AGBL4: variants seen among roughly 807,000 people sequenced by gnomAD.
AGBL4 encodes the protein cytosolic carboxypeptidase 6.
Under a neutral mutation model 66.4 loss-of-function variants are expected in AGBL4, and 58 were observed. The observed-to-expected ratio is 0.87, with a 90% CI of 0.71 to 1.09. The LOEUF (loss-of-function observed/expected upper bound fraction) is 1.09. Ranked by LOEUF, AGBL4 falls within the 50% of genes least tolerant of loss-of-function variation. The probability of loss-of-function intolerance (pLI) is 0.00; values close to 1 mark genes in which losing one functional copy is unlikely to be tolerated. For missense variants in AGBL4, 579 were observed against 631.0 expected (o/e 0.92, Z 0.88); for synonymous variants, 234 against 222.9 (o/e 1.05, Z -0.44).
At chr1:49,765,959 A>G (rs1308163647) in intron 2 of AGBL4, among the ~76,000 whole-genome samples, 1 of 152,300 alleles carries the variant, frequency 6.6e-6, no homozygotes, top group East Asian at 1.9e-4. Flanking sequence ...AAATCTATGA[A>G]TTATTGGCAT....
At chr1:49,577,204 G>A (rs887836905) in intron 3 of AGBL4, among the ~76,000 whole-genome samples, 7 of 152,224 alleles carry the variant, frequency 4.6e-5, no homozygotes, top group Admixed American at 3.3e-4. Context: ...GGTGACCTCA[G>A]CAGAGGAGGA....
chr1:49,504,009 C>T (rs1648445815), intron 3 of AGBL4, among the ~76,000 whole-genome samples: 1 of 151,946 alleles, frequency 6.6e-6, no homozygotes, highest in South Asian at 2.1e-4. Flanking sequence ...TGTCTGTGTC[C>T]CCACTCAAAG....
intron 3 of AGBL4, among the ~76,000 whole-genome samples, chr1:49,627,234 G>T (rs1391050281): frequency 6.6e-6 from 1 of 152,134 alleles, no homozygotes; most frequent in African/African-American, 2.4e-5. Context: ...TCATCAGCAG[G>T]TGTGGTATTG....
chr1:49,022,906 T>G (rs1571252403), intron 5 of AGBL4, among the ~76,000 whole-genome samples: 1 of 152,196 alleles, frequency 6.6e-6, no homozygotes, highest in East Asian at 1.9e-4. Context: ...AATTCCAAAT[T>G]ACAAATGAGG....
intron 3 of AGBL4, among the ~76,000 whole-genome samples, chr1:49,398,989 C>G (rs1379044042): frequency 6.6e-6 from 1 of 152,056 alleles, no homozygotes; most frequent in Non-Finnish European, 1.5e-5. Flanking sequence ...TTCCCTGCCA[C>G]CACCCTACTA....
At chr1:49,554,241 T>C (rs139310815) in intron 3 of AGBL4, among the ~76,000 whole-genome samples, 1 of 152,222 alleles carries the variant, frequency 6.6e-6, no homozygotes, top group Non-Finnish European at 1.5e-5. Flanking sequence ...ATCACAATAC[T>C]CCAACAGTGC....
chr1:49,749,664 C>CA (rs1343271756), intron 2 of AGBL4, among the ~76,000 whole-genome samples: 1 of 151,836 alleles, frequency 6.6e-6, no homozygotes, highest in African/African-American at 2.4e-5. Flanking sequence ...ACGGTTATAT[C>CA]AAAAAAACAC....
chr1:49,285,465 A>G (rs1378905212), intron 3 of AGBL4, among the ~76,000 whole-genome samples: 2 of 152,114 alleles, frequency 1.3e-5, no homozygotes, highest in African/African-American at 4.8e-5. Flanking sequence ...AAAGAACTAG[A>G]AAAGCAAGAG....
intron 3 of AGBL4, among the ~76,000 whole-genome samples, chr1:49,529,047 T>C (rs1374871267): frequency 6.6e-6 from 1 of 152,074 alleles, no homozygotes; most frequent in African/African-American, 2.4e-5. Flanking sequence ...CAGATTATTA[T>C]TTTAGAAACA....
chr1:49,755,411 C>A (rs1228344706), intron 2 of AGBL4, among the ~76,000 whole-genome samples: 1 of 152,180 alleles, frequency 6.6e-6, no homozygotes, highest in Non-Finnish European at 1.5e-5. Flanking sequence ...AGTTCTAGTT[C>A]TTTGACTTTA....
intron 3 of AGBL4, among the ~76,000 whole-genome samples, chr1:49,387,120 G>C (rs1272791034): frequency 6.6e-6 from 1 of 151,846 alleles, no homozygotes; most frequent in Non-Finnish European, 1.5e-5. Flanking sequence ...TATATTAGCT[G>C]TGTGACCTTA....
intron 4 of AGBL4, among the ~76,000 whole-genome samples, chr1:49,129,286 GT>G (rs769440870): frequency 8.8e-6 from 1 of 113,360 alleles, no homozygotes; most frequent in African/African-American, 2.6e-5. Context: ...GACTGTTTTT[GT>G]TTTTTTTGTT....
At chr1:49,282,813 G>T (rs164822) in intron 3 of AGBL4, among the ~76,000 whole-genome samples, 2 of 152,064 alleles carry the variant, frequency 1.3e-5, no homozygotes, top group African/African-American at 2.4e-5. Flanking sequence ...CTTTTCGGAC[G>T]GGCTTAAAAA....
downstream of AGBL4, among the ~76,000 whole-genome samples, chr1:48,528,154 C>T (rs570520376): frequency 2.6e-5 from 4 of 152,192 alleles, no homozygotes; most frequent in Admixed American, 1.3e-4. Flanking sequence ...GATTAGCAAG[C>T]GGTGGAGCTG....
At chr1:50,019,281 C>CTT (rs1662239492) in intron 1 of AGBL4, among the ~76,000 whole-genome samples, 1 of 79,966 alleles carries the variant, frequency 1.3e-5, no homozygotes, top group Non-Finnish European at 2.7e-5. Context: ...CTCTCTCTCT[C>CTT]TCTCTCTCTC....
chr1:49,451,075 G>A (rs575666287), intron 3 of AGBL4, among the ~76,000 whole-genome samples: 1 of 152,090 alleles, frequency 6.6e-6, no homozygotes, highest in East Asian at 1.9e-4. Flanking sequence ...CTTGTTATTA[G>A]CAGAATTTAG....
chr1:49,956,106 C>T (rs1656584153), intron 1 of AGBL4, among the ~76,000 whole-genome samples: 1 of 151,788 alleles, frequency 6.6e-6, no homozygotes, highest in African/African-American at 2.4e-5. Flanking sequence ...AAAGCACTGT[C>T]ACTCATCAGA....
chr1:49,860,533 A>G (rs1646542755), intron 1 of AGBL4, among the ~76,000 whole-genome samples: 1 of 152,140 alleles, frequency 6.6e-6, no homozygotes, highest in Non-Finnish European at 1.5e-5. Context: ...CTGCATCTCA[A>G]CGAAAAATTT....
rs1644226795 is a variant in AGBL4, at chr1:49,365,554, GATA to G, written c.283-119693_283-119691del. Among the ~76,000 whole-genome samples the G allele has an allele frequency of 2.7e-5, 4 of 150,464 alleles. No individual in the cohort carries two copies. In the South Asian group the frequency reaches 8.5e-4, roughly 32 times the overall value. On this transcript the variant is annotated intron_variant, in intron 3 of 13. Coordinates refer to ENST00000371839, the MANE Select transcript of AGBL4 (RefSeq NM_032785.4). ...AGGGCTAAATTATAATGATAATAAT[GATA>G]ATATTATAATGATAATGACTTATTA...
Sources: gnomAD v4.1 joint callset for allele counts (sites outside exome capture counted in the v4.1 genomes callset) on GRCh38, gnomAD v4.1.1 for gene constraint, MANE v1.5 for transcripts, NCBI Gene and HGNC (gene_info 2026-07-23, HGNC 2026-07-21) for gene names.